RHD: variants seen among roughly 807,000 people sequenced by gnomAD.
The protein encoded by RHD is Rh blood group D antigen.
Under a neutral mutation model 45.5 loss-of-function variants are expected in RHD, and 16 were observed. That is an observed-to-expected ratio of 0.35 (90% CI 0.24 to 0.53). The LOEUF is 0.53. Among genes scored for constraint, RHD ranks in the 20% least tolerant of loss-of-function variants. The pLI is 0.92. For missense variants in RHD, 306 were observed against 532.0 expected (o/e 0.58, Z 4.18); for synonymous variants, 131 against 217.5 (o/e 0.60, Z 3.50).
chr1:25,308,890 C>A (rs1160957580), intron 7 of RHD, among the ~76,000 whole-genome samples: 1 of 131,572 alleles, frequency 7.6e-6, no homozygotes, highest in Admixed American at 7.4e-5. Flanking sequence ...CTGAAACTCT[C>A]TAAATCTCAG....
In RHD at chr1:25,295,849, AATTTTTTTTTTTT is replaced by A. The variant is rs1162568425; in HGVS notation, c.486+5059_486+5071del. ...CAATGGTCTGGGAGGGAATATGGGA[AATTTTTTTTTTTT>A]TTTTTTTTTTTTTTTTTGAGATGGA... On this transcript the variant is annotated intron_variant, in intron 3 of 9. Coordinates refer to ENST00000328664, the MANE Select transcript of RHD (RefSeq NM_016124.6). Among the ~76,000 whole-genome samples, 118 of 33,724 alleles carry A rather than the reference AATTTTTTTTTTTT, an allele frequency of 3.5e-3. 7 individuals carry two copies. The highest frequency in any genetic ancestry group is 6.1e-3 in the African/African-American group (105 of 17,216). 22.1% of individuals were successfully genotyped at this position (33,724 alleles called of 152,430 possible). A position where few individuals can be genotyped will look rare whatever the true frequency, so the allele number is the denominator to read the frequency against.
rs372491274 is a variant in RHD at position 25,303,502 on chromosome 1, C to A, written c.939+43C>A. ...TAACCTCCTCTGCTTTGGCTGAAGG[C>A]CAGCAGGACGCTGGGACCTGATGGG... On this transcript the variant is annotated intron_variant, in intron 6 of 9. Coordinates refer to ENST00000328664, the MANE Select transcript of RHD (RefSeq NM_016124.6). The A allele has an allele frequency of 1.1e-4, 155 of 1,373,562 alleles. 17 individuals are homozygous for A. In the African/African-American group the frequency reaches 2.0e-3, roughly 17 times the overall value. 85.1% of individuals were successfully genotyped at this position (1,373,562 alleles called of 1,614,324 possible).
chr1:25,289,241 C>T (rs992878034), intron 2 of RHD, among the ~76,000 whole-genome samples: 2 of 132,732 alleles, frequency 1.5e-5, no homozygotes. Flanking sequence ...GTTGCCCAGG[C>T]TGGAGTGCAG....
intron 7 of RHD, among the ~76,000 whole-genome samples, chr1:25,315,658 G>A (rs1244903629): frequency 3.2e-5 from 4 of 126,736 alleles, no homozygotes; most frequent in African/African-American, 5.4e-5. Flanking sequence ...CACCACTCCC[G>A]GCTAATGTTT....
intron 1 of RHD, among the ~76,000 whole-genome samples, chr1:25,279,854 C>A (rs2124604878): frequency 7.7e-6 from 1 of 130,614 alleles, no homozygotes; most frequent in African/African-American, 2.7e-5. Flanking sequence ...AGCACATCCA[C>A]TTCTTATCAC....
rs1300092391 is a variant in RHD at position 25,276,927 on chromosome 1, T to C, written c.148+4232T>C. Among the ~76,000 whole-genome samples the C allele has an allele frequency of 1.5e-5, 2 of 129,278 alleles. 1 individual carries two copies. The highest frequency in any genetic ancestry group is 3.7e-5 in the Non-Finnish European group (2 of 54,724). 84.8% of individuals were successfully genotyped at this position (129,278 alleles called of 152,430 possible). A position where few individuals can be genotyped will look rare whatever the true frequency, so the allele number is the denominator to read the frequency against. ...CAAAAATACAAAAAAATTAGCCGGG[T>C]GTGGTGGCGGGTGCCTGTAGTCCCA... On this transcript the variant is annotated intron_variant, in intron 1 of 9. Coordinates refer to ENST00000328664, the MANE Select transcript of RHD (RefSeq NM_016124.6).
chr1:25,293,450 A>G lies in RHD; in HGVS notation c.486+2659A>G, dbSNP rs373540084. Among the ~76,000 whole-genome samples, 12 of 130,384 alleles carry G rather than the reference A, an allele frequency of 9.2e-5. No individual in the cohort carries two copies. The East Asian group carries it at 1.8e-3, about 19-fold the overall frequency. 85.5% of individuals were successfully genotyped at this position (130,384 alleles called of 152,430 possible). On this transcript the variant is annotated intron_variant, in intron 3 of 9. Coordinates refer to ENST00000328664, the MANE Select transcript of RHD (RefSeq NM_016124.6). ...CATTGTGCGGAAATAACAATTTATT[A>G]CTTATAGTTTTATATTTGTGGACAG... is the stretch of plus-strand genomic sequence containing the variant.
At position 25,282,946 on chromosome 1, in the gene RHD, A is replaced by G. The variant is rs1363105069; in HGVS notation, c.149-1627A>G. Among the ~76,000 whole-genome samples, 2 of 132,208 alleles carry G rather than the reference A, an allele frequency of 1.5e-5. 1 individual carries two copies. The highest frequency in any genetic ancestry group is 1.5e-4 in the Admixed American group (2 of 13,614). The allele number at this position is 132,208 out of a possible 152,430, so 86.7% of individuals were successfully genotyped here. On this transcript the variant is annotated intron_variant, in intron 1 of 9. Transcript: ENST00000328664. ...TGCAGAAAATTTAAACACTAAAACT[A>G]AAAAAGTAAAACACCTCCCAAACTT... is the stretch of plus-strand genomic sequence containing the variant.
chr1:25,300,985 G>C lies in RHD; in HGVS notation c.526G>C (p.Ala176Pro). The C allele has an allele frequency of 1.5e-6, 2 of 1,375,068 alleles. 1 individual carries two copies. The highest frequency in any genetic ancestry group is 2.0e-6 in the Non-Finnish European group (2 of 978,594). 85.2% of individuals were successfully genotyped at this position (1,375,068 alleles called of 1,614,324 possible). The part of the protein sequence containing the change: ...HMNMMHIYVF[A>P]AYFGLSVAWC... ...GAACATGATGCACATCTACGTGTTCGCAGCCTATTTTGGGCTGTCTGTGGC... is the reference window on the plus strand; with the variant it reads ...GAACATGATGCACATCTACGTGTTCCCAGCCTATTTTGGGCTGTCTGTGGC... The change falls in exon 4 of 10, where the codon GCA (alanine) becomes CCA (proline). Residue 176 changes from alanine (A) to proline (P), a missense_variant. Transcript: ENST00000328664.
At chr1:25,320,537 C>T (rs181073385) in intron 8 of RHD, among the ~76,000 whole-genome samples, 1 of 131,650 alleles carries the variant, frequency 7.6e-6, no homozygotes, top group Non-Finnish European at 1.8e-5. Context: ...AGCAGCACCA[C>T]GAAAGGGAAA....
intron 8 of RHD, among the ~76,000 whole-genome samples, chr1:25,321,674 T>TAAATAAAATTAAATAAAATA (rs1553148980): frequency 2.2e-5 from 2 of 91,228 alleles, no homozygotes; most frequent in East Asian, 2.3e-4. Context: ...TGTCTCAAAA[T>TAAATAAAATTAAATAAAATA]AAATAAAATA....
At chr1:25,285,288 C>G (rs1223322157) in intron 2 of RHD, among the ~76,000 whole-genome samples, 1 of 133,874 alleles carries the variant, frequency 7.5e-6, no homozygotes, top group East Asian at 1.9e-4. Context: ...GCATGTGCCA[C>G]CGCGCCTGGC....
At chr1:25,281,223 C>T (rs1225283379) in intron 1 of RHD, among the ~76,000 whole-genome samples, 3 of 130,756 alleles carry the variant, frequency 2.3e-5, no homozygotes, top group African/African-American at 8.0e-5. Context: ...GTAGTTAGTT[C>T]ACTGCTGAAC....
chr1:25,301,769 A>G (rs1643409315), intron 5 of RHD, 83 bp downstream of exon 5: 1 of 1,034,926 alleles, frequency 9.7e-7, no homozygotes, highest in Non-Finnish European at 1.5e-6. Flanking sequence ...CCCCAGGGCC[A>G]GCGTGGGTTG....
rs1641094426 is a variant in RHD, at chr1:25,277,249, G to GA, written c.148+4556dup. 1.5e-5 allele frequency among the ~76,000 whole-genome samples: 2 copies of GA among 130,662 alleles called. 1 individual carries two copies. The highest frequency in any genetic ancestry group is 3.6e-5 in the Non-Finnish European group (2 of 55,092). The allele number at this position is 130,662 out of a possible 152,430, so 85.7% of individuals were successfully genotyped here. A position where few individuals can be genotyped will look rare whatever the true frequency, so the allele number is the denominator to read the frequency against. ...AGCAAGTGAGGGGTGGCTTCTGGGT[G>GA]AATCTGAATATTAAATATTTGCAGA... On this transcript the variant is annotated intron_variant, in intron 1 of 9. Coordinates refer to ENST00000328664, the MANE Select transcript of RHD (RefSeq NM_016124.6).
chr1:25,292,085 T>C (rs987373739), intron 3 of RHD, among the ~76,000 whole-genome samples: 3 of 132,760 alleles, frequency 2.3e-5, no homozygotes, highest in Admixed American at 7.4e-5. Context: ...AGCTTTAGTT[T>C]CTTCATCTGT....
chr1:25,299,382 AAAAT>A (rs530289550), intron 3 of RHD, among the ~76,000 whole-genome samples: 1 of 130,490 alleles, frequency 7.7e-6, no homozygotes, highest in African/African-American at 2.6e-5. Flanking sequence ...CTCCGTCTCA[AAAAT>A]AAATAAATAA....
rs533248785 is a variant in RHD, at chr1:25,301,835, T to A, written c.801+149T>A. ...CCTGCCTCTACAGTGGAGCTCTAGGTAGAATGCTGGGTGGTCACAGTGGGC... is the reference window on the plus strand; with the variant it reads ...CCTGCCTCTACAGTGGAGCTCTAGGAAGAATGCTGGGTGGTCACAGTGGGC... On this transcript the variant is annotated intron_variant, in intron 5 of 9. Coordinates refer to ENST00000328664, the MANE Select transcript of RHD (RefSeq NM_016124.6). The A allele has an allele frequency of 2.6e-3, 1,801 of 695,830 alleles. 216 individuals carry two copies. The highest frequency in any genetic ancestry group is 0.014 in the East Asian group (545 of 39,276). 43.1% of individuals were successfully genotyped at this position (695,830 alleles called of 1,614,324 possible). A position where few individuals can be genotyped will look rare whatever the true frequency, so the allele number is the denominator to read the frequency against.
Position 25,303,207 on chromosome 1 carries a change from G to C in RHD, c.802-115G>C. 11 of 1,022,356 alleles carry C rather than the reference G, an allele frequency of 1.1e-5. 3 individuals are homozygous for C. The South Asian group carries it at 1.5e-4, about 14-fold the overall frequency. 63.3% of individuals were successfully genotyped at this position (1,022,356 alleles called of 1,614,324 possible). ...CAGGGGAGAAGTGGTTTCAGGATCA[G>C]CAAAGCAGGGAGGATGTTACAGGGT... On this transcript the variant is annotated intron_variant, in intron 5 of 9. Coordinates refer to ENST00000328664, the MANE Select transcript of RHD (RefSeq NM_016124.6).
Sources: gnomAD v4.1 joint callset for allele counts (sites outside exome capture counted in the v4.1 genomes callset) on GRCh38, gnomAD v4.1.1 for gene constraint, MANE v1.5 for transcripts, NCBI Gene and HGNC (gene_info 2026-07-23, HGNC 2026-07-21) for gene names.